The following ROBO1 variants were observed in gnomAD, a reference collection of about 807,000 sequenced individuals.
The protein encoded by ROBO1 is roundabout guidance receptor 1.
A neutral mutation model predicts 195.9 loss-of-function variants in ROBO1; 149 were observed. The ratio of observed to expected loss-of-function variants is 0.76; its 90% CI spans 0.67 to 0.87. The LOEUF (loss-of-function observed/expected upper bound fraction) is 0.87. Among genes scored for constraint, ROBO1 ranks in the 40% least tolerant of loss-of-function variants. The pLI is 0.00. For synonymous variants in ROBO1, 816 were observed against 733.2 expected (o/e 1.11, Z -1.82); for missense variants, 1,933 against 2,068.3 (o/e 0.93, Z 1.27).
intron 2 of ROBO1, among the ~76,000 whole-genome samples, chr3:79,381,355 C>CAAAAAAAAA (rs61680946): frequency 7.4e-4 from 45 of 60,688 alleles, no homozygotes; most frequent in Non-Finnish European, 1.0e-3. Flanking sequence ...AACTCCGTCT[C>CAAAAAAAAA]AAAAAAAAAA....
intron 4 of ROBO1, among the ~76,000 whole-genome samples, chr3:78,929,590 C>T (rs566134293): frequency 2.0e-5 from 3 of 152,070 alleles, no homozygotes; most frequent in African/African-American, 4.8e-5. Context: ...GCAACCTCCA[C>T]ATCCCGGGCT....
At chr3:79,594,020 C>G (rs947237374) in intron 1 of ROBO1, among the ~76,000 whole-genome samples, 2 of 151,920 alleles carry the variant, frequency 1.3e-5, no homozygotes, top group African/African-American at 4.8e-5. Flanking sequence ...TTATTTTTCT[C>G]TTGATAGTGT....
rs548977788 is a variant in ROBO1, at chr3:79,606,899, G to A, written c.-50-16938C>T. ...GAAGTAAGTTATTGCTTTACTAACTGTACTTTATTTAGCAGGACCATCAAT... is the reference window on the plus strand; with the variant it reads ...GAAGTAAGTTATTGCTTTACTAACTATACTTTATTTAGCAGGACCATCAAT... On this transcript the variant is annotated intron_variant, in intron 1 of 30. Coordinates refer to ENST00000464233, the MANE Select transcript of ROBO1 (RefSeq NM_002941.4). Among the ~76,000 whole-genome samples, 30 of 151,946 alleles carry A rather than the reference G, an allele frequency of 2.0e-4. No homozygotes were observed. The East Asian group carries it at 5.6e-3, about 28-fold the overall frequency.
chr3:79,148,048 TC>T, intron 2 of ROBO1, among the ~76,000 whole-genome samples: 1 of 152,046 alleles, frequency 6.6e-6, no homozygotes, highest in East Asian at 1.9e-4. Flanking sequence ...TTTCTTTCTT[TC>T]CTCTTTCTCT....
chr3:79,503,751 T>G (rs1940244031), intron 2 of ROBO1, among the ~76,000 whole-genome samples: 1 of 152,186 alleles, frequency 6.6e-6, no homozygotes, highest in Non-Finnish European at 1.5e-5. Flanking sequence ...TGATGATAAA[T>G]GGAACCATGT....
At chr3:78,817,892 G>A (rs2030309726) in intron 4 of ROBO1, among the ~76,000 whole-genome samples, 1 of 152,156 alleles carries the variant, frequency 6.6e-6, no homozygotes, top group Admixed American at 6.5e-5. Context: ...AGACTTAGGT[G>A]GAGGTGTTCT....
intron 1 of ROBO1, among the ~76,000 whole-genome samples, chr3:79,684,553 T>C (rs1235654190): frequency 1.3e-5 from 2 of 152,138 alleles, no homozygotes; most frequent in Non-Finnish European, 2.9e-5. Flanking sequence ...CTGAACTTCC[T>C]CAGGGAAAGG....
chr3:79,632,854 G>A (rs951124657), intron 1 of ROBO1, among the ~76,000 whole-genome samples: 1 of 151,818 alleles, frequency 6.6e-6, no homozygotes, highest in Non-Finnish European at 1.5e-5. Context: ...TACAGATAAA[G>A]AGAAAATATT....
chr3:79,585,620 CT>C (rs1943803505), intron 2 of ROBO1, among the ~76,000 whole-genome samples: 1 of 151,896 alleles, frequency 6.6e-6, no homozygotes, highest in Non-Finnish European at 1.5e-5. Flanking sequence ...GAAATCTGTC[CT>C]CAGAGAATAA....
At chr3:78,641,965 G>C (rs1705987000) in intron 21 of ROBO1, among the ~76,000 whole-genome samples, 1 of 152,128 alleles carries the variant, frequency 6.6e-6, no homozygotes, top group Non-Finnish European at 1.5e-5. Flanking sequence ...ATGATTACTG[G>C]CCTATAATGA....
At chr3:79,754,407 TTAATAGATGCC>T (rs1375163378) in intron 1 of ROBO1, among the ~76,000 whole-genome samples, 2 of 152,164 alleles carry the variant, frequency 1.3e-5, no homozygotes, top group African/African-American at 4.8e-5. Context: ...AGATTGGTAT[TTAATAGATGCC>T]TGTTGAAGTG....
At chr3:78,790,089 T>C (rs752354046) in intron 4 of ROBO1, among the ~76,000 whole-genome samples, 32 of 152,164 alleles carry the variant, frequency 2.1e-4, no homozygotes, top group Non-Finnish European at 4.1e-4. Flanking sequence ...CTGGGGACTG[T>C]TGGAGTCCTA....
chr3:79,717,161 T>A (rs559577640), intron 1 of ROBO1, among the ~76,000 whole-genome samples: 2 of 151,948 alleles, frequency 1.3e-5, no homozygotes, highest in African/African-American at 4.8e-5. Context: ...AGTTTGTATA[T>A]TTATACTTTA....
intron 3 of ROBO1, among the ~76,000 whole-genome samples, chr3:79,003,451 G>A (rs958959771): frequency 6.6e-6 from 1 of 151,960 alleles, no homozygotes; most frequent in Non-Finnish European, 1.5e-5. Flanking sequence ...AATAATAATA[G>A]AAACAATGCA....
intron 3 of ROBO1, among the ~76,000 whole-genome samples, chr3:79,001,599 GTAC>G (rs1364395415): frequency 6.6e-6 from 1 of 152,078 alleles, no homozygotes; most frequent in Admixed American, 6.5e-5. Flanking sequence ...GAGTTTCACT[GTAC>G]TTTTTCTGCC....
intron 3 of ROBO1, among the ~76,000 whole-genome samples, chr3:78,983,813 T>C (rs2077048577): frequency 6.6e-6 from 1 of 152,188 alleles, no homozygotes; most frequent in Non-Finnish European, 1.5e-5. Flanking sequence ...TGGTTTCAGC[T>C]GGAGGGCGAC....
In ROBO1 at chr3:79,722,395, A is replaced by G. The variant is rs141195950; in HGVS notation, c.-51+45357T>C. Among the ~76,000 whole-genome samples the G allele has an allele frequency of 4.7e-3, 711 of 152,334 alleles. 9 individuals carry two copies. Among genetic ancestry groups the G allele is most frequent in the African/African-American group, 0.015 (616 of 41,588 alleles). On this transcript the variant is annotated intron_variant, in intron 1 of 30. Transcript: ENST00000464233. The stretch of plus-strand genomic sequence containing the variant: ...TTGACACAATATAGAGCTAAAAGCA[A>G]TGATGCCTTGTACCCAAAAAAAGTT...
intron 2 of ROBO1, among the ~76,000 whole-genome samples, chr3:79,432,284 C>T (rs2038709873): frequency 1.3e-5 from 2 of 152,010 alleles, no homozygotes; most frequent in Admixed American, 1.3e-4. Context: ...GCCCAAACTG[C>T]AAACAGACAC....
intron 19 of ROBO1, 150 bp from the exon 20 acceptor site, chr3:78,647,805 A>C: frequency 1.3e-6 from 1 of 744,936 alleles, no homozygotes; most frequent in Non-Finnish European, 2.3e-6. Context: ...TATGAATAAA[A>C]CCAATTCTGA....
Sources: allele counts gnomAD v4.1 joint callset (sites outside exome capture counted in the v4.1 genomes callset), GRCh38; gene constraint gnomAD v4.1.1; transcripts MANE v1.5; gene names NCBI Gene and HGNC (gene_info 2026-07-23, HGNC 2026-07-21).